Variants in ADD2 observed in about 807,000 individuals in gnomAD.
ADD2 encodes the protein beta-adducin.
In ADD2, 23 loss-of-function variants were observed where a neutral mutation model predicts 83.0. The ratio of observed to expected loss-of-function variants is 0.28; its 90% CI spans 0.20 to 0.39. The LOEUF (loss-of-function observed/expected upper bound fraction) is 0.39, where lower values mean the gene tolerates loss of function less well. Ranked by LOEUF, ADD2 falls within the 10% of genes least tolerant of loss-of-function variation. The pLI is 1.00. For synonymous variants in ADD2, 375 were observed against 375.4 expected, an observed-to-expected ratio of 1.00 and a Z score of 0.01; for missense variants, 758 against 944.9, an observed-to-expected ratio of 0.80 and a Z score of 2.59.
intron 1 of ADD2, among the ~76,000 whole-genome samples, chr2:70,757,873 G>A (rs1174492781): frequency 6.6e-6 from 1 of 152,126 alleles, no homozygotes; most frequent in Admixed American, 6.5e-5. Context: ...GCATTTCAAA[G>A]TTTAATAACT....
At chr2:70,691,997 C>T (rs181026735) in intron 7 of ADD2, among the ~76,000 whole-genome samples, 6 of 152,338 alleles carry the variant, frequency 3.9e-5, no homozygotes, top group Non-Finnish European at 5.9e-5. Flanking sequence ...TTGCTTGCTC[C>T]GTCCCCTACT....
chr2:70,658,360 C>T lies in ADD2; in HGVS notation c.*5065G>A, dbSNP rs755363403. ...GCCACATCTGAATAGGTTGGTTAGA[C>T]GGGGCTTCTGGAAGTAATTACACTC... On this transcript the variant is annotated 3_prime_UTR_variant, in exon 16 of 16. Coordinates refer to ENST00000264436, the MANE Select transcript of ADD2 (RefSeq NM_001617.4). 2.6e-5 allele frequency: 4 copies of T among 152,146 alleles called. No homozygotes were observed. The highest frequency in any genetic ancestry group is 1.9e-4 in the East Asian group (1 of 5,190). The allele number at this position is 152,146 out of a possible 1,614,324, so 9.4% of individuals were successfully genotyped here.
At chr2:70,677,305 T>C (rs1168874120) in intron 12 of ADD2, among the ~76,000 whole-genome samples, 1 of 151,860 alleles carries the variant, frequency 6.6e-6, no homozygotes, top group Non-Finnish European at 1.5e-5. Flanking sequence ...CGCTGTAGGG[T>C]ATCCGGGTCC....
rs781966159 is a variant in ADD2 at position 70,663,655 on chromosome 2, C to T, written c.1951G>A (p.Gly651Arg). ...TTQPEGVVVN[G>R]REEEQTAEEI... is the part of the protein sequence containing the mutation. ...TCTGCCGTCTGCTCCTCCTCCCTCC[C>T]GTTGACCACCACCCCTTCCGGCTGG... The change falls in exon 16 of 16, where the codon GGG becomes AGG. Residue 651 changes from glycine to arginine, a missense_variant. Physicochemically the swap from Gly to Arg is moderately radical, Grantham distance 125. Transcript: ENST00000264436. 2.0e-5 allele frequency: 33 copies of T among 1,614,004 alleles called. No homozygotes were observed. The highest frequency in any genetic ancestry group is 5.3e-5 in the African/African-American group (4 of 74,900).
At chr2:70,692,286 T>C in intron 7 of ADD2, 117 bp downstream of exon 7, 2 of 1,236,720 alleles carry the variant, frequency 1.6e-6, no homozygotes, top group South Asian at 4.1e-5. Flanking sequence ...TTGGGAGTTC[T>C]CTCGCTTCAC....
intron 15 of ADD2, among the ~76,000 whole-genome samples, chr2:70,670,240 C>A (rs1478794337): frequency 1.3e-5 from 2 of 152,338 alleles, no homozygotes; most frequent in African/African-American, 4.8e-5. Context: ...AAAGGACTAA[C>A]TTATGTAAAG....
intron 1 of ADD2, among the ~76,000 whole-genome samples, chr2:70,721,491 T>C (rs1203492331): frequency 1.3e-5 from 2 of 152,226 alleles, no homozygotes; most frequent in East Asian, 3.9e-4. Flanking sequence ...TTTTGAGTCC[T>C]ACAGATCATT....
chr2:70,710,755 C>T (rs1229941964), intron 2 of ADD2, among the ~76,000 whole-genome samples: 1 of 152,204 alleles, frequency 6.6e-6, no homozygotes, highest in Non-Finnish European at 1.5e-5. Flanking sequence ...CTCCGTTTCC[C>T]CACATATAAA....
intron 1 of ADD2, among the ~76,000 whole-genome samples, chr2:70,755,328 T>G (rs577212658): frequency 6.6e-6 from 1 of 152,336 alleles, no homozygotes; most frequent in Non-Finnish European, 1.5e-5. Flanking sequence ...TATCCTCTGA[T>G]CCGTCTCACG....
At chr2:70,669,750 T>C (rs1669822598) in intron 15 of ADD2, among the ~76,000 whole-genome samples, 1 of 152,232 alleles carries the variant, frequency 6.6e-6, no homozygotes, top group African/African-American at 2.4e-5. Flanking sequence ...CAACTTCTAT[T>C]TTCACAGTTT....
intron 1 of ADD2, among the ~76,000 whole-genome samples, chr2:70,722,905 G>A (rs569291786): frequency 6.6e-6 from 1 of 152,298 alleles, no homozygotes; most frequent in African/African-American, 2.4e-5. Flanking sequence ...GTAGGTGCTC[G>A]ATCAATGCTA....
At chr2:70,673,334 G>A (rs1669987472) in intron 14 of ADD2, 1 of 1,613,742 alleles carries the variant, frequency 6.2e-7, no homozygotes. Flanking sequence ...TCTCTGAAGA[G>A]AACCAGCCAG....
intron 2 of ADD2, among the ~76,000 whole-genome samples, chr2:70,707,801 G>C (rs552931435): frequency 1.1e-4 from 17 of 152,342 alleles, no homozygotes; most frequent in African/African-American, 3.8e-4. Flanking sequence ...TCCATAACCT[G>C]CCACTCCCTT....
intron 14 of ADD2, among the ~76,000 whole-genome samples, chr2:70,673,513 C>G (rs1669994900): frequency 6.6e-6 from 1 of 152,174 alleles, no homozygotes; most frequent in African/African-American, 2.4e-5. Flanking sequence ...CAAACAATCC[C>G]TAGGGATAAA....
rs892461363 is a variant in ADD2, at chr2:70,683,501, T to C, written c.1125+90A>G. On this transcript the variant is annotated intron_variant, in intron 10 of 15. Transcript: ENST00000264436. ...ACAACCTAGTTGTGATGCTGGCAAT[T>C]CTTGTGCCCACCTGATGCCTTGTAC... 8 of 1,378,038 alleles carry C rather than the reference T, an allele frequency of 5.8e-6. No individual in the cohort carries two copies. In the African/African-American group the frequency reaches 1.2e-4, roughly 20 times the overall value. The allele number at this position is 1,378,038 out of a possible 1,614,324, so 85.4% of individuals were successfully genotyped here.
intron 1 of ADD2, among the ~76,000 whole-genome samples, chr2:70,747,509 C>T (rs1279362529): frequency 6.6e-6 from 1 of 151,434 alleles, no homozygotes; most frequent in Non-Finnish European, 1.5e-5. Context: ...GCTCTCCCAT[C>T]ATGCCACATG....
chr2:70,730,544 C>T (rs1054838822), intron 1 of ADD2, among the ~76,000 whole-genome samples: 1 of 152,240 alleles, frequency 6.6e-6, no homozygotes, highest in South Asian at 2.1e-4. Context: ...GTGAGGCTGG[C>T]CTCTCTGCCC....
At chr2:70,758,061 C>G (rs1337610712) in intron 1 of ADD2, among the ~76,000 whole-genome samples, 1 of 152,178 alleles carries the variant, frequency 6.6e-6, no homozygotes, top group East Asian at 1.9e-4. Flanking sequence ...CTTCTGGTTA[C>G]CAGGGAGGCT....
At chr2:70,747,897 G>T (rs1553382310) in intron 1 of ADD2, among the ~76,000 whole-genome samples, 3 of 152,078 alleles carry the variant, frequency 2.0e-5, no homozygotes, top group African/African-American at 7.2e-5. Flanking sequence ...TGTATAGTAG[G>T]TCAACAATCG....
Sources: allele counts gnomAD v4.1 joint callset (sites outside exome capture counted in the v4.1 genomes callset), GRCh38; gene constraint gnomAD v4.1.1; transcripts MANE v1.5; gene names NCBI Gene and HGNC (gene_info 2026-07-23, HGNC 2026-07-21).